Variants in OTUD7A observed in about 807,000 individuals in gnomAD.
The protein encoded by OTUD7A is OTU domain-containing protein 7A.
Under a neutral mutation model 65.7 loss-of-function variants are expected in OTUD7A, and 12 were observed. The ratio of observed to expected loss-of-function variants is 0.18; its 90% CI spans 0.12 to 0.30. OTUD7A has a LOEUF of 0.30. Among genes scored for constraint, OTUD7A ranks in the 10% least tolerant of loss-of-function variants. OTUD7A has a pLI of 1.00. For missense variants in OTUD7A, 1,148 were observed against 1,304.8 expected (o/e 0.88, Z 1.85); for synonymous variants, 641 against 586.3 (o/e 1.09, Z -1.35).
chr15:31,560,348 C>T (rs73372576), intron 4 of OTUD7A, among the ~76,000 whole-genome samples: 4,130 of 152,316 alleles, frequency 0.027, 196 homozygotes, highest in African/African-American at 0.093. Context: ...ATGCTCTCCT[C>T]TGGCTTTATT....
chr15:31,777,166 T>C (rs1895404590), intron 1 of OTUD7A, among the ~76,000 whole-genome samples: 1 of 152,132 alleles, frequency 6.6e-6, no homozygotes, highest in Non-Finnish European at 1.5e-5. Flanking sequence ...GCCCTGCTCC[T>C]GGTTCATACA....
chr15:31,852,219 C>T (rs533214295), intron 1 of OTUD7A, among the ~76,000 whole-genome samples: 1 of 152,216 alleles, frequency 6.6e-6, no homozygotes, highest in Admixed American at 6.5e-5. Context: ...AGTGTGGGTG[C>T]CCTCTCCCTT....
chr15:31,499,145 G>T (rs2041427602), intron 10 of OTUD7A, among the ~76,000 whole-genome samples: 1 of 152,208 alleles, frequency 6.6e-6, no homozygotes, highest in Non-Finnish European at 1.5e-5. Context: ...GAGGAAGTGG[G>T]TGGTGGGAAG....
intron 3 of OTUD7A, among the ~76,000 whole-genome samples, chr15:31,604,552 A>ACTGCACATT (rs36233033): frequency 0.23 from 35,506 of 151,700 alleles, 5,204 homozygotes; most frequent in East Asian, 0.65. Flanking sequence ...GTGTAACACA[A>ACTGCACATT]CTGCACATTC....
chr15:31,660,472 C>T (rs888497980), intron 1 of OTUD7A, among the ~76,000 whole-genome samples: 6 of 152,196 alleles, frequency 3.9e-5, no homozygotes, highest in African/African-American at 1.4e-4. Flanking sequence ...AGTGCGGGGG[C>T]ATGAGTTCTG....
intron 1 of OTUD7A, among the ~76,000 whole-genome samples, chr15:31,843,197 G>C (rs756571904): frequency 3.3e-5 from 5 of 152,030 alleles, no homozygotes; most frequent in Non-Finnish European, 5.9e-5. Context: ...AGGTGGCCTG[G>C]ACGCTGGGAA....
chr15:31,607,429 A>C (rs1393022043), intron 3 of OTUD7A, among the ~76,000 whole-genome samples: 1 of 152,202 alleles, frequency 6.6e-6, no homozygotes, highest in Non-Finnish European at 1.5e-5. Flanking sequence ...GATTGGCTTA[A>C]AGTGGCCTTG....
chr15:31,772,250 T>C, intron 1 of OTUD7A, among the ~76,000 whole-genome samples: 1 of 93,136 alleles, frequency 1.1e-5, no homozygotes, highest in South Asian at 3.4e-4. Flanking sequence ...AGACTCCGTC[T>C]CAAAAAAAAA....
intron 5 of OTUD7A, among the ~76,000 whole-genome samples, chr15:31,553,472 C>T (rs1595605237): frequency 6.6e-6 from 1 of 152,082 alleles, no homozygotes; most frequent in East Asian, 1.9e-4. Flanking sequence ...TCTGCATCCC[C>T]AACGCAGGGC....
chr15:31,866,418 G>T (rs373429332), intron 1 of OTUD7A, among the ~76,000 whole-genome samples: 39 of 152,248 alleles, frequency 2.6e-4, no homozygotes, highest in African/African-American at 7.9e-4. Context: ...GGCAGCGTCC[G>T]GCCCTTCTCT....
intron 1 of OTUD7A, among the ~76,000 whole-genome samples, chr15:31,718,675 CCAGCACTTGTTAAA>C (rs1348575455): frequency 7.4e-6 from 1 of 135,242 alleles, no homozygotes; most frequent in African/African-American, 2.5e-5. Context: ...TGGATAATTC[CCAGCACTTGTTAAA>C]CAGCCCACTT....
At chr15:31,592,555 C>G (rs1889758019) in intron 3 of OTUD7A, among the ~76,000 whole-genome samples, 1 of 151,948 alleles carries the variant, frequency 6.6e-6, no homozygotes, top group Admixed American at 6.6e-5. Context: ...CCTGAAGGAC[C>G]TGCCTGAGGC....
At chr15:31,870,391 C>G (rs1163314015) in intron 1 of OTUD7A, 116 bp downstream of exon 1, 7 of 146,556 alleles carry the variant, frequency 4.8e-5, no homozygotes, top group Admixed American at 4.7e-4. Flanking sequence ...CCACCTGCCT[C>G]GCCACGGAGC....
intron 10 of OTUD7A, among the ~76,000 whole-genome samples, chr15:31,500,743 A>G (rs1015691182): frequency 3.9e-5 from 6 of 152,216 alleles, no homozygotes; most frequent in Non-Finnish European, 8.8e-5. Context: ...GACACCCCTG[A>G]GCTTCCTTCC....
chr15:31,593,011 G>T lies in OTUD7A; in HGVS notation c.152-22814C>A, dbSNP rs1266068143. Among the ~76,000 whole-genome samples the T allele has an allele frequency of 4.5e-5, 6 of 131,974 alleles. No homozygotes were observed. In the Admixed American group the frequency reaches 4.9e-4, roughly 11 times the overall value. The allele number at this position is 131,974 out of a possible 152,430, so 86.6% of individuals were successfully genotyped here. A position where few individuals can be genotyped will look rare whatever the true frequency, so the allele number is the denominator to read the frequency against. ...ATGCACTCTAAAATGATGATAAAAA[G>T]TATAGCATAGTAAATACATAAACCC... On this transcript the variant is annotated intron_variant, in intron 3 of 12. Coordinates refer to ENST00000307050, the MANE Select transcript of OTUD7A (RefSeq NM_001382637.1).
rs1895117081 is a variant in OTUD7A at position 31,767,336 on chromosome 15, T to C, written c.-100+103171A>G. Reference sequence around the variant, plus strand: ...AAATGTTCACAAGTAATTCGTAATATTCAAAAGTAAGTAGAGGTTCAGGGA... The same window carrying C: ...AAATGTTCACAAGTAATTCGTAATACTCAAAAGTAAGTAGAGGTTCAGGGA... On this transcript the variant is annotated intron_variant, in intron 1 of 12. Coordinates refer to ENST00000307050, the MANE Select transcript of OTUD7A (RefSeq NM_001382637.1). 10 of 782,034 alleles carry C rather than the reference T, an allele frequency of 1.3e-5. No individual in the cohort carries two copies. The East Asian group carries it at 2.2e-4, about 17-fold the overall frequency. The allele number at this position is 782,034 out of a possible 1,614,324, so 48.4% of individuals were successfully genotyped here.
chr15:31,504,614 T>C (rs1331296944), intron 8 of OTUD7A, among the ~76,000 whole-genome samples: 2 of 152,208 alleles, frequency 1.3e-5, no homozygotes, highest in Non-Finnish European at 2.9e-5. Context: ...CCAGCTGAGA[T>C]GACAGCACCA....
intron 5 of OTUD7A, among the ~76,000 whole-genome samples, chr15:31,534,096 T>G (rs1887718578): frequency 6.6e-6 from 1 of 152,144 alleles, no homozygotes; most frequent in African/African-American, 2.4e-5. Context: ...AACATTACCC[T>G]GATACCAAAA....
intron 3 of OTUD7A, among the ~76,000 whole-genome samples, chr15:31,617,801 TA>T (rs1375074101): frequency 4.6e-5 from 7 of 152,192 alleles, no homozygotes; most frequent in Non-Finnish European, 1.0e-4. Flanking sequence ...TATTATACTT[TA>T]AGTTCTAGGG....
Sources: allele counts gnomAD v4.1 joint callset (sites outside exome capture counted in the v4.1 genomes callset), GRCh38; gene constraint gnomAD v4.1.1; transcripts MANE v1.5; gene names NCBI Gene and HGNC (gene_info 2026-07-23, HGNC 2026-07-21).